POLR3G: variants seen among roughly 807,000 people sequenced by gnomAD.
The protein encoded by POLR3G is DNA-directed RNA polymerase III subunit RPC7.
Under a neutral mutation model 30.1 loss-of-function variants are expected in POLR3G, and 28 were observed. The ratio of observed to expected loss-of-function variants is 0.93; its 90% CI spans 0.69 to 1.27. POLR3G has a LOEUF of 1.27. Ranked by LOEUF, POLR3G falls within the 50% of genes most tolerant of loss-of-function variation. The pLI, the probability that POLR3G is intolerant of heterozygous loss-of-function variation, is 0.00. For synonymous variants in POLR3G, 79 were observed against 82.5 expected (o/e 0.96, Z 0.23); for missense variants, 254 against 264.6 (o/e 0.96, Z 0.28).
intron 3 of POLR3G, among the ~76,000 whole-genome samples, chr5:90,493,372 A>G (rs1751826858): frequency 6.6e-6 from 1 of 151,838 alleles, no homozygotes; most frequent in Non-Finnish European, 1.5e-5. Flanking sequence ...GTAGCCTCCC[A>G]AGTAGCTGGA....
intron 1 of POLR3G, among the ~76,000 whole-genome samples, chr5:90,481,983 G>GTATA (rs1475265048): frequency 4.6e-5 from 7 of 152,126 alleles, no homozygotes; most frequent in Admixed American, 2.6e-4. Context: ...TGAGTAGTGG[G>GTATA]TATATGGAGA....
chr5:90,507,285 A>C (rs1461096885), intron 7 of POLR3G, among the ~76,000 whole-genome samples: 1 of 152,192 alleles, frequency 6.6e-6, no homozygotes, highest in Non-Finnish European at 1.5e-5. Flanking sequence ...CCGTAACCCT[A>C]GGTGGAGAGT....
intron 5 of POLR3G, among the ~76,000 whole-genome samples, chr5:90,499,874 TTCTG>T (rs1329061987): frequency 5.9e-5 from 9 of 152,196 alleles, no homozygotes; most frequent in South Asian, 2.1e-4. Flanking sequence ...ACAATTTATC[TTCTG>T]TCTTTTATAC....
chr5:90,477,224 C>T (rs534101317), intron 1 of POLR3G, among the ~76,000 whole-genome samples: 26 of 152,122 alleles, frequency 1.7e-4, no homozygotes, highest in Non-Finnish European at 3.2e-4. Context: ...TGAAAAGAAC[C>T]TGGGGCTTAA....
At chr5:90,506,742 T>C in intron 7 of POLR3G, 68 bp downstream of exon 7, 1 of 1,456,764 alleles carries the variant, frequency 6.9e-7, no homozygotes, top group Non-Finnish European at 9.1e-7. Flanking sequence ...AGATATAGAG[T>C]ATGTATTGAA....
At chr5:90,496,861 A>G (rs1329122191) in intron 4 of POLR3G, among the ~76,000 whole-genome samples, 2 of 152,192 alleles carry the variant, frequency 1.3e-5, no homozygotes, top group African/African-American at 2.4e-5. Context: ...CTTCCGTTTC[A>G]TTAGTATTCA....
intron 7 of POLR3G, among the ~76,000 whole-genome samples, chr5:90,510,413 A>G (rs548995355): frequency 5.1e-4 from 77 of 152,264 alleles, no homozygotes; most frequent in Non-Finnish European, 3.8e-4. Context: ...ACGTCACACA[A>G]TTACCAAATT....
At chr5:90,487,654 G>A (rs776974230) in intron 2 of POLR3G, among the ~76,000 whole-genome samples, 26 of 151,984 alleles carry the variant, frequency 1.7e-4, no homozygotes, top group Non-Finnish European at 3.5e-4. Context: ...GCCTTCCAAA[G>A]TGCTGGGATT....
chr5:90,477,986 A>G (rs1230573457), intron 1 of POLR3G, among the ~76,000 whole-genome samples: 1 of 152,296 alleles, frequency 6.6e-6, no homozygotes, highest in East Asian at 1.9e-4. Flanking sequence ...TATGGAGAGG[A>G]TATTTCCTGT....
At chr5:90,474,419 G>A (rs1465046969), upstream of POLR3G, 1 of 848,940 alleles carries the variant, frequency 1.2e-6, no homozygotes, top group East Asian at 2.7e-5. Context: ...CGTAGAGCGA[G>A]GCGGGGGCGT....
intron 1 of POLR3G, among the ~76,000 whole-genome samples, chr5:90,475,746 C>G (rs907243548): frequency 3.9e-5 from 6 of 152,190 alleles, no homozygotes; most frequent in African/African-American, 1.2e-4. Flanking sequence ...GACAGAGTCT[C>G]TGTTGCCCAG....
At chr5:90,477,868 G>T (rs1750914535) in intron 1 of POLR3G, among the ~76,000 whole-genome samples, 1 of 152,204 alleles carries the variant, frequency 6.6e-6, no homozygotes, top group South Asian at 2.1e-4. Context: ...CAGAATTTGT[G>T]GGGGTTTAAA....
rs1752380887 is a variant in POLR3G at position 90,504,228 on chromosome 5, T to A, written c.438+2240T>A. On this transcript the variant is annotated intron_variant, in intron 6 of 7. Transcript: ENST00000651687. ...GGTAGCAATAATAGAAATAGAGACTTCCTGGTTCCTATGTGGCACTGAATG... is the reference window on the plus strand; with the variant it reads ...GGTAGCAATAATAGAAATAGAGACTACCTGGTTCCTATGTGGCACTGAATG... 2.6e-5 allele frequency among the ~76,000 whole-genome samples: 4 copies of A among 152,090 alleles called. No homozygotes were observed. In the South Asian group the frequency reaches 6.2e-4, roughly 24 times the overall value.
intron 3 of POLR3G, among the ~76,000 whole-genome samples, chr5:90,494,555 C>T (rs893957956): frequency 1.3e-5 from 2 of 149,838 alleles, no homozygotes; most frequent in Non-Finnish European, 3.0e-5. Flanking sequence ...GCCAACATTT[C>T]TTATTTTTTT....
intron 6 of POLR3G, 144 bp from the exon 7 acceptor site, chr5:90,506,384 C>T: frequency 8.8e-7 from 1 of 1,142,410 alleles, no homozygotes; most frequent in Non-Finnish European, 1.2e-6. Context: ...CTTGAGTTGA[C>T]TCATAGTTTC....
At chr5:90,485,402 A>G in intron 1 of POLR3G, 123 bp from the exon 2 acceptor site, 4 of 586,982 alleles carry the variant, frequency 6.8e-6, no homozygotes, top group South Asian at 2.2e-5. Context: ...ATTTGTGTAC[A>G]TGTTTTGCTT....
At chr5:90,474,125 G>A, upstream of POLR3G, 1 of 1,583,620 alleles carries the variant, frequency 6.3e-7, no homozygotes, top group East Asian at 2.3e-5. Context: ...AGGAGTACAG[G>A]TACTCCGGGA....
At chr5:90,485,492 A>G (rs555572718) in intron 1 of POLR3G, 33 bp from the exon 2 acceptor site, 2 of 1,020,530 alleles carry the variant, frequency 2.0e-6, no homozygotes, top group Non-Finnish European at 3.0e-6. Context: ...TTTCTTTTTT[A>G]TATGTGATCC....
intron 3 of POLR3G, among the ~76,000 whole-genome samples, chr5:90,495,287 A>T (rs1016487199): frequency 6.6e-6 from 1 of 151,982 alleles, no homozygotes; most frequent in African/African-American, 2.4e-5. Flanking sequence ...CTTTTGTGTG[A>T]TAGTGTTGCT....
Sources: allele counts gnomAD v4.1 joint callset (sites outside exome capture counted in the v4.1 genomes callset), GRCh38; gene constraint gnomAD v4.1.1; transcripts MANE v1.5; gene names NCBI Gene and HGNC (gene_info 2026-07-23, HGNC 2026-07-21).